The following TBC1D22A variants were observed in gnomAD, a reference collection of about 807,000 sequenced individuals.
TBC1D22A encodes putative GTPase activator.
TBC1D22A carries 38 observed loss-of-function variants against 60.2 expected under a neutral mutation model. The observed-to-expected ratio is 0.63, with a 90% CI of 0.49 to 0.83. The LOEUF (loss-of-function observed/expected upper bound fraction) is 0.83. Ranked by LOEUF, TBC1D22A falls within the 40% of genes least tolerant of loss-of-function variation. The pLI, the probability that TBC1D22A is intolerant of heterozygous loss-of-function variation, is 0.00. For synonymous variants in TBC1D22A, 302 were observed against 281.7 expected (o/e 1.07, Z -0.72); for missense variants, 628 against 701.0 (o/e 0.90, Z 1.18).
At chr22:46,931,387 A>G (rs2071346938) in intron 8 of TBC1D22A, among the ~76,000 whole-genome samples, 1 of 152,174 alleles carries the variant, frequency 6.6e-6, no homozygotes, top group Non-Finnish European at 1.5e-5. Context: ...CTTCATTTCC[A>G]GTTTTAAAAT....
At chr22:47,154,236 C>G (rs1178369533) in intron 12 of TBC1D22A, among the ~76,000 whole-genome samples, 1 of 152,136 alleles carries the variant, frequency 6.6e-6, no homozygotes, top group Admixed American at 6.5e-5. Context: ...TCCAGCCCAC[C>G]TCCTCACACT....
intron 11 of TBC1D22A, among the ~76,000 whole-genome samples, chr22:47,073,308 G>A (rs2064078689): frequency 6.6e-6 from 1 of 152,230 alleles, no homozygotes; most frequent in East Asian, 1.9e-4. Flanking sequence ...CTGAAGCACA[G>A]AGTCTATTTT....
chr22:46,821,591 T>A (rs146261713), intron 4 of TBC1D22A, among the ~76,000 whole-genome samples: 18 of 152,340 alleles, frequency 1.2e-4, no homozygotes, highest in African/African-American at 3.8e-4. Context: ...CTCTTCTAGC[T>A]TGTAGAGTTT....
intron 8 of TBC1D22A, among the ~76,000 whole-genome samples, chr22:46,973,098 A>T (rs1006015665): frequency 1.3e-5 from 2 of 152,160 alleles, no homozygotes; most frequent in African/African-American, 2.4e-5. Context: ...CCAGTCACAC[A>T]CTTCAGTGTG....
intron 8 of TBC1D22A, among the ~76,000 whole-genome samples, chr22:46,920,140 C>T (rs934549283): frequency 3.9e-5 from 6 of 152,054 alleles, no homozygotes; most frequent in African/African-American, 1.2e-4. Flanking sequence ...AGTGCACTAA[C>T]GTTATCATAG....
chr22:46,890,743 A>G (rs576264700), intron 5 of TBC1D22A, among the ~76,000 whole-genome samples: 2 of 151,968 alleles, frequency 1.3e-5, no homozygotes, highest in South Asian at 2.1e-4. Flanking sequence ...TGCAGCTGCC[A>G]TGGGCCCATG....
chr22:47,007,193 C>T (rs114368382), intron 10 of TBC1D22A, among the ~76,000 whole-genome samples: 2,080 of 152,270 alleles, frequency 0.014, 47 homozygotes, highest in African/African-American at 0.046. Context: ...GAAGAGTTTT[C>T]TTCTGTGATG....
chr22:47,041,655 C>T (rs1270598404), intron 11 of TBC1D22A, among the ~76,000 whole-genome samples: 1 of 152,248 alleles, frequency 6.6e-6, no homozygotes, highest in Admixed American at 6.5e-5. Context: ...TAGTTCTGTG[C>T]TTAGCTGTGC....
intron 4 of TBC1D22A, among the ~76,000 whole-genome samples, chr22:46,861,936 C>T (rs1263903284): frequency 2.6e-5 from 4 of 152,250 alleles, no homozygotes; most frequent in Non-Finnish European, 5.9e-5. Context: ...CCCTGTTTCT[C>T]CCTTCCTGTG....
At chr22:46,872,344 T>C (rs963060778) in intron 4 of TBC1D22A, among the ~76,000 whole-genome samples, 1 of 152,148 alleles carries the variant, frequency 6.6e-6, no homozygotes, top group African/African-American at 2.4e-5. Flanking sequence ...ACCAAAATCT[T>C]ACAAAGACAT....
intron 11 of TBC1D22A, among the ~76,000 whole-genome samples, chr22:47,066,449 G>A (rs1320994803): frequency 6.6e-6 from 1 of 152,192 alleles, no homozygotes; most frequent in Non-Finnish European, 1.5e-5. Flanking sequence ...CTGCCCAAGG[G>A]TGCACAGTAT....
chr22:46,986,328 TG>T (rs2074721135), intron 9 of TBC1D22A, among the ~76,000 whole-genome samples: 1 of 152,148 alleles, frequency 6.6e-6, no homozygotes, highest in South Asian at 2.1e-4. Flanking sequence ...CAGTCCTCTT[TG>T]TTCTTTTAAA....
Position 46,797,556 on chromosome 22 carries a change from C to A in TBC1D22A, c.573C>A (p.Ser191Arg), listed in dbSNP as rs149499645. 1.1e-5 allele frequency: 17 copies of A among 1,613,778 alleles called. No homozygotes were observed. In the Middle Eastern group the frequency reaches 9.9e-4, roughly 94 times the overall value. ...GCACTCTCAGCAGCTCAGCGCTGAG[C>A]GAAAGAGAGGCCTCCCGGCTCGACA... ...DPSTLSSSAL[S>R]EREASRLDKF... Residue 191 changes from serine to arginine, a missense_variant, in exon 4 of 13, where the codon AGC (serine) becomes AGA (arginine). By Grantham distance (110) the Ser-to-Arg change is moderately radical. Transcript: ENST00000337137.
chr22:47,001,421 G>A (rs2061408356), intron 10 of TBC1D22A, among the ~76,000 whole-genome samples: 1 of 143,882 alleles, frequency 7.0e-6, no homozygotes, highest in African/African-American at 2.6e-5. Context: ...TCCCGCCCGG[G>A]CAACAAGAGT....
At chr22:46,815,877 G>A (rs987043848) in intron 4 of TBC1D22A, among the ~76,000 whole-genome samples, 2 of 152,158 alleles carry the variant, frequency 1.3e-5, no homozygotes, top group Admixed American at 6.5e-5. Context: ...GCGTGGAGGG[G>A]AGGCCTGCTG....
intron 11 of TBC1D22A, among the ~76,000 whole-genome samples, chr22:47,055,865 G>A (rs28444493): frequency 2.6e-5 from 4 of 151,190 alleles, no homozygotes; most frequent in South Asian, 4.2e-4. Context: ...GATACGCCAC[G>A]GAGGGTTGAT....
chr22:46,971,004 T>C (rs2074026603), intron 8 of TBC1D22A, among the ~76,000 whole-genome samples: 1 of 152,196 alleles, frequency 6.6e-6, no homozygotes, highest in African/African-American at 2.4e-5. Context: ...TGTGTGCCTT[T>C]GCCAAAGTGG....
intron 12 of TBC1D22A, among the ~76,000 whole-genome samples, chr22:47,112,735 T>C (rs1359979201): frequency 6.6e-6 from 1 of 152,170 alleles, no homozygotes; most frequent in African/African-American, 2.4e-5. Flanking sequence ...TTTTTGTCAG[T>C]GTGGGGCTCG....
chr22:47,043,158 G>A (rs902414088), intron 11 of TBC1D22A, among the ~76,000 whole-genome samples: 1 of 152,254 alleles, frequency 6.6e-6, no homozygotes, highest in African/African-American at 2.4e-5. Flanking sequence ...CACCTTTCAG[G>A]TGATGAGGCC....
Sources: gnomAD v4.1 joint callset for allele counts (sites outside exome capture counted in the v4.1 genomes callset) on GRCh38, gnomAD v4.1.1 for gene constraint, MANE v1.5 for transcripts, NCBI Gene and HGNC (gene_info 2026-07-23, HGNC 2026-07-21) for gene names.